DFFB: variants seen among roughly 807,000 people sequenced by gnomAD.
The protein encoded by DFFB is DNA fragmentation factor subunit beta, also known as DNA fragmentation factor 40 kDa subunit.
DFFB carries 29 observed loss-of-function variants against 32.7 expected under a neutral mutation model. The observed-to-expected ratio is 0.89, with a 90% CI of 0.66 to 1.21. The LOEUF (loss-of-function observed/expected upper bound fraction) is 1.21. Among genes scored for constraint, DFFB ranks in the 50% most tolerant of loss-of-function variants. DFFB has a pLI of 0.00. For synonymous variants in DFFB, 170 were observed against 177.1 expected (o/e 0.96, Z 0.32); for missense variants, 398 against 440.6 (o/e 0.90, Z 0.87).
rs750373375 is a variant in DFFB, at chr1:3,883,756, G to A, written c.*15G>A. 14 of 1,605,996 alleles carry A rather than the reference G, an allele frequency of 8.7e-6. No homozygotes were observed. The highest frequency in any genetic ancestry group is 2.7e-5 in the African/African-American group (2 of 74,726). On this transcript the variant is annotated 3_prime_UTR_variant, in exon 7 of 7. Coordinates refer to ENST00000378209, the MANE Select transcript of DFFB (RefSeq NM_004402.4). ...AACGCCAGTGACACGTACACACCAC[G>A]TCCTGGTCTTTGTTTGAGGCCTGAC...
intron 6 of DFFB, among the ~76,000 whole-genome samples, chr1:3,878,239 C>T (rs1341796707): frequency 6.6e-6 from 1 of 152,026 alleles, no homozygotes; most frequent in East Asian, 1.9e-4. Context: ...GCAACCTCCG[C>T]CTCCTGGGTT....
intron 6 of DFFB, among the ~76,000 whole-genome samples, chr1:3,873,668 G>A (rs1228651571): frequency 7.2e-5 from 11 of 151,994 alleles, no homozygotes; most frequent in Non-Finnish European, 1.2e-4. Context: ...TAGTAGAGAC[G>A]GGATTTCTCC....
chr1:3,857,818 C>T lies in DFFB; in HGVS notation c.114+101C>T, dbSNP rs1644781116. Reference sequence around the variant, plus strand: ...CCAAAACGGAGGGTGCAGGCGGCGCCCGGGGCGGGTAGTTTTCGTTCGCCT... The same window carrying T: ...CCAAAACGGAGGGTGCAGGCGGCGCTCGGGGCGGGTAGTTTTCGTTCGCCT... On this transcript the variant is annotated intron_variant, in intron 1 of 6. Transcript: ENST00000378209. The T allele has an allele frequency of 4.6e-6, 4 of 867,996 alleles. No homozygotes were observed. In the East Asian group the frequency reaches 1.3e-4, roughly 29 times the overall value. The allele number at this position is 867,996 out of a possible 1,614,324, so 53.8% of individuals were successfully genotyped here.
chr1:3,879,399 C>T (rs1387641461), intron 6 of DFFB, among the ~76,000 whole-genome samples: 2 of 152,124 alleles, frequency 1.3e-5, no homozygotes, highest in Non-Finnish European at 2.9e-5. Context: ...ATCATGTTCC[C>T]CAAGATTCGT....
At position 3,857,804 on chromosome 1, in the gene DFFB, G is replaced by A; in HGVS notation, c.114+87G>A. ...CCGCTTTTCCTCTTCCAAAACGGAGGGTGCAGGCGGCGCCCGGGGCGGGTA... is the reference window on the plus strand; with the variant it reads ...CCGCTTTTCCTCTTCCAAAACGGAGAGTGCAGGCGGCGCCCGGGGCGGGTA... On this transcript the variant is annotated intron_variant, in intron 1 of 6. Coordinates refer to ENST00000378209, the MANE Select transcript of DFFB (RefSeq NM_004402.4). 3 of 1,002,758 alleles carry A rather than the reference G, an allele frequency of 3.0e-6. No individual in the cohort carries two copies. The Admixed American group carries it at 1.2e-4, about 39-fold the overall frequency. The allele number at this position is 1,002,758 out of a possible 1,614,324, so 62.1% of individuals were successfully genotyped here. A position where few individuals can be genotyped will look rare whatever the true frequency, so the allele number is the denominator to read the frequency against.
intron 6 of DFFB, among the ~76,000 whole-genome samples, chr1:3,874,501 G>A: frequency 5.6e-5 from 2 of 35,462 alleles, no homozygotes; most frequent in Non-Finnish European, 1.1e-4. Context: ...CCACGCTGTG[G>A]TCTGCAGAGC....
Position 3,867,803 on chromosome 1 carries a change from T to A in DFFB, c.431-171T>A, listed in dbSNP as rs189975204. Reference sequence around the variant, plus strand: ...AGGAGGTTAAGGCTGTAGTAAGCTGTGTTCGTGCCACTGTACTCCAGCCTG... The same window carrying A: ...AGGAGGTTAAGGCTGTAGTAAGCTGAGTTCGTGCCACTGTACTCCAGCCTG... On this transcript the variant is annotated intron_variant, in intron 3 of 6. Transcript: ENST00000378209. The A allele has an allele frequency of 6.1e-6, 4 of 661,004 alleles. No individual in the cohort carries two copies. The African/African-American group carries it at 7.2e-5, about 12-fold the overall frequency. 40.9% of individuals were successfully genotyped at this position (661,004 alleles called of 1,614,324 possible).
rs1166403622 is a variant in DFFB at position 3,872,655 on chromosome 1, G to C, written c.782+83G>C. The C allele has an allele frequency of 7.8e-6, 10 of 1,274,136 alleles. No homozygotes were observed. The African/African-American group carries it at 1.5e-4, about 19-fold the overall frequency. 78.9% of individuals were successfully genotyped at this position (1,274,136 alleles called of 1,614,324 possible). On this transcript the variant is annotated intron_variant, in intron 6 of 6. Coordinates refer to ENST00000378209, the MANE Select transcript of DFFB (RefSeq NM_004402.4). ...GTGGCCCTGTCCCTGCCATGGCCCT[G>C]TCCCTGCCACGGCCCTGTCCCTGCC...
rs536392319 is a variant in DFFB at position 3,870,090 on chromosome 1, C to T, written c.681+315C>T. Among the ~76,000 whole-genome samples the T allele has an allele frequency of 1.3e-4, 20 of 152,310 alleles. No homozygotes were observed. The South Asian group carries it at 1.7e-3, about 13-fold the overall frequency. On this transcript the variant is annotated intron_variant, in intron 5 of 6. Transcript: ENST00000378209. ...ATGACCCCTGCTGGGGAGGCTGGAA[C>T]GGCAGCTGGTTACTGCTCATAGTTC...
intron 5 of DFFB, among the ~76,000 whole-genome samples, chr1:3,871,801 G>T (rs750031840): frequency 1.1e-4 from 17 of 152,226 alleles, no homozygotes; most frequent in Non-Finnish European, 1.8e-4. Flanking sequence ...GCTGGCATCT[G>T]CTCAGCTGCC....
At chr1:3,878,317 A>G (rs1178765557) in intron 6 of DFFB, among the ~76,000 whole-genome samples, 1 of 151,826 alleles carries the variant, frequency 6.6e-6, no homozygotes, top group African/African-American at 2.4e-5. Flanking sequence ...ATGCCTGGCT[A>G]ATTTTTGTAT....
chr1:3,872,959 A>G (rs1645150071), intron 6 of DFFB: 1 of 1,233,474 alleles, frequency 8.1e-7, no homozygotes, highest in Non-Finnish European at 1.0e-6. Flanking sequence ...AGACAGCGGG[A>G]GCTCCTGGTG....
At chr1:3,867,184 C>T (rs747460324) in intron 3 of DFFB, among the ~76,000 whole-genome samples, 5 of 152,238 alleles carry the variant, frequency 3.3e-5, no homozygotes, top group Non-Finnish European at 7.3e-5. Flanking sequence ...GCGTGAGCCA[C>T]CACGTTCAGC....
At chr1:3,878,012 G>A (rs1009613575) in intron 6 of DFFB, among the ~76,000 whole-genome samples, 10 of 152,102 alleles carry the variant, frequency 6.6e-5, no homozygotes, top group Non-Finnish European at 1.2e-4. Context: ...TCAGCCAGCC[G>A]CAGCTTGAAC....
intron 6 of DFFB, among the ~76,000 whole-genome samples, chr1:3,878,400 C>A (rs963522275): frequency 6.6e-6 from 1 of 152,212 alleles, no homozygotes; most frequent in African/African-American, 2.4e-5. Flanking sequence ...GATCTGCCCA[C>A]CTCAGCCTCC....
At chr1:3,861,543 C>T (rs1215144219) in intron 2 of DFFB, among the ~76,000 whole-genome samples, 1 of 152,118 alleles carries the variant, frequency 6.6e-6, no homozygotes, top group Admixed American at 6.5e-5. Flanking sequence ...ATCCTCCTAC[C>T]TCCGCCCCTG....
chr1:3,858,535 G>C (rs1045803987), intron 1 of DFFB, among the ~76,000 whole-genome samples, 183 bp from the exon 2 acceptor site: 1 of 152,280 alleles, frequency 6.6e-6, no homozygotes, highest in African/African-American at 2.4e-5. Context: ...ACGGCCCGCA[G>C]TCAGGCGCCC....
chr1:3,863,265 G>C (rs1163811548), intron 2 of DFFB, among the ~76,000 whole-genome samples: 1 of 152,170 alleles, frequency 6.6e-6, no homozygotes, highest in African/African-American at 2.4e-5. Context: ...TATTCAAGTG[G>C]TCGTAAGCAC....
In DFFB at chr1:3,883,733, C is replaced by T. The variant is rs201390089; in HGVS notation, c.1009C>T (p.Arg337Cys). The change falls in exon 7 of 7, where the codon CGC becomes TGC. Residue 337 changes from arginine to cysteine, a missense_variant. Physicochemically the swap from Arg to Cys is radical, Grantham distance 180. Coordinates refer to ENST00000378209, the MANE Select transcript of DFFB (RefSeq NM_004402.4). ...GAAGCGGAAGCAGCCTGTGCGGAAA[C>T]GCCAGTGACACGTACACACCACGTC... ...RLKRKQPVRKRQ is the reference protein window; with the variant it reads ...RLKRKQPVRKCQ 3.5e-5 allele frequency: 56 copies of T among 1,613,900 alleles called. No homozygotes were observed. The highest frequency in any genetic ancestry group is 9.9e-5 in the South Asian group (9 of 91,084).
Sources: gnomAD v4.1 joint callset for allele counts (sites outside exome capture counted in the v4.1 genomes callset) on GRCh38, gnomAD v4.1.1 for gene constraint, MANE v1.5 for transcripts, NCBI Gene and HGNC (gene_info 2026-07-23, HGNC 2026-07-21) for gene names.